SNTG1: variants seen among roughly 807,000 people sequenced by gnomAD.
The protein encoded by SNTG1 is gamma-1-syntrophin.
A neutral mutation model predicts 74.7 loss-of-function variants in SNTG1; 39 were observed. The observed-to-expected ratio is 0.52, with a 90% CI of 0.40 to 0.68. The LOEUF is 0.68. Among genes scored for constraint, SNTG1 ranks in the 30% least tolerant of loss-of-function variants. The probability of loss-of-function intolerance (pLI) is 0.00; values close to 1 mark genes in which losing one functional copy is unlikely to be tolerated. For missense variants in SNTG1, 685 were observed against 609.5 expected, an observed-to-expected ratio of 1.12 and a Z score of -1.30; for synonymous variants, 254 against 217.1, an observed-to-expected ratio of 1.17 and a Z score of -1.49.
At chr8:49,969,572 T>C (rs952891243) in intron 1 of SNTG1, among the ~76,000 whole-genome samples, 3 of 151,840 alleles carry the variant, frequency 2.0e-5, no homozygotes, top group African/African-American at 7.3e-5. Flanking sequence ...AATTTTGGTA[T>C]TTTTAGTAGA....
intron 1 of SNTG1, among the ~76,000 whole-genome samples, chr8:50,063,095 C>T (rs1476248310): frequency 6.6e-6 from 1 of 152,170 alleles, no homozygotes; most frequent in Non-Finnish European, 1.5e-5. Context: ...TGTCACATTG[C>T]CTTGCAAGAG....
intron 2 of SNTG1, among the ~76,000 whole-genome samples, chr8:50,325,255 A>C (rs965927574): frequency 8.6e-5 from 13 of 151,764 alleles, no homozygotes; most frequent in African/African-American, 2.9e-4. Context: ...AATATTCAAA[A>C]TATAACTCTC....
At chr8:50,754,487 T>C (rs1452062100) in intron 18 of SNTG1, among the ~76,000 whole-genome samples, 1 of 151,896 alleles carries the variant, frequency 6.6e-6, no homozygotes, top group Non-Finnish European at 1.5e-5. Flanking sequence ...CCATGTATGT[T>C]ATATCCTCTT....
intron 2 of SNTG1, among the ~76,000 whole-genome samples, chr8:50,249,002 G>A (rs1359321188): frequency 6.6e-6 from 1 of 152,126 alleles, no homozygotes; most frequent in Non-Finnish European, 1.5e-5. Context: ...GAGCATGGGA[G>A]CCCAGTATAA....
intron 1 of SNTG1, among the ~76,000 whole-genome samples, chr8:50,039,189 C>T (rs1205095235): frequency 2.0e-5 from 3 of 152,102 alleles, no homozygotes; most frequent in Admixed American, 1.3e-4. Context: ...GGCGTGGTGG[C>T]TCATGCCTGT....
At chr8:50,285,861 T>G (rs935361875) in intron 2 of SNTG1, among the ~76,000 whole-genome samples, 2 of 151,484 alleles carry the variant, frequency 1.3e-5, no homozygotes, top group Non-Finnish European at 2.9e-5. Context: ...ATGAACAATA[T>G]AATTATAGCA....
chr8:50,773,565 G>T (rs1250081958), intron 18 of SNTG1, among the ~76,000 whole-genome samples: 1 of 152,038 alleles, frequency 6.6e-6, no homozygotes, highest in Admixed American at 6.6e-5. Context: ...TAAATAGACA[G>T]AAATAGTCTG....
At chr8:49,954,749 A>T (rs73677823) in intron 1 of SNTG1, among the ~76,000 whole-genome samples, 1,654 of 151,898 alleles carry the variant, frequency 0.011, 31 homozygotes, top group African/African-American at 0.037. Context: ...AATGTTTCCT[A>T]TTTCTTTTTT....
intron 13 of SNTG1, among the ~76,000 whole-genome samples, chr8:50,631,629 AT>A (rs2094998258): frequency 6.6e-6 from 1 of 152,150 alleles, no homozygotes; most frequent in Non-Finnish European, 1.5e-5. Flanking sequence ...GAACTTTTAT[AT>A]TTTTAAATAA....
chr8:50,584,170 C>A (rs924495571), intron 12 of SNTG1, among the ~76,000 whole-genome samples: 1 of 152,118 alleles, frequency 6.6e-6, no homozygotes, highest in Non-Finnish European at 1.5e-5. Context: ...TCCAGTCTAT[C>A]ATTGATGGAC....
At chr8:50,432,997 C>A (rs916103891) in intron 4 of SNTG1, among the ~76,000 whole-genome samples, 1 of 152,050 alleles carries the variant, frequency 6.6e-6, no homozygotes, top group Non-Finnish European at 1.5e-5. Flanking sequence ...ACCATGTCGG[C>A]CAGGCTGGTC....
At chr8:50,705,114 C>T (rs896286880) in intron 16 of SNTG1, among the ~76,000 whole-genome samples, 12 of 152,158 alleles carry the variant, frequency 7.9e-5, no homozygotes, top group South Asian at 6.2e-4. Context: ...AGCCTGTTGG[C>T]GTCATTTACT....
At chr8:50,176,826 C>T (rs2083016256) in intron 2 of SNTG1, among the ~76,000 whole-genome samples, 1 of 152,126 alleles carries the variant, frequency 6.6e-6, no homozygotes, top group South Asian at 2.1e-4. Context: ...TAAAAATAGT[C>T]CCTTTTATTG....
chr8:50,743,500 T>C (rs2095548388), intron 17 of SNTG1, among the ~76,000 whole-genome samples: 1 of 151,750 alleles, frequency 6.6e-6, no homozygotes, highest in Admixed American at 6.6e-5. Context: ...AGAAAGATAT[T>C]TGAAATATGA....
In SNTG1 at chr8:50,704,727, C is replaced by A. The variant is rs1247518824; in HGVS notation, c.1166C>A (p.Thr389Asn). 1.2e-6 allele frequency: 2 copies of A among 1,613,990 alleles called. No individual in the cohort carries two copies. The highest frequency in any genetic ancestry group is 1.3e-5 in the African/African-American group (1 of 74,926). Residue 389 changes from threonine (T) to asparagine (N), a missense_variant, in exon 16 of 19, where the codon ACC becomes AAC. Transcript: ENST00000642720. Reference protein sequence around the residue: ...AQWERAFQTATFLEVERIQCK... With the variant: ...AQWERAFQTANFLEVERIQCK... ...TGGGAAAGAGCCTTCCAGACAGCAACCTTTCTAGAAGTAGAACGGATACAG... is the reference window on the plus strand; with the variant it reads ...TGGGAAAGAGCCTTCCAGACAGCAAACTTTCTAGAAGTAGAACGGATACAG...
intron 2 of SNTG1, among the ~76,000 whole-genome samples, chr8:50,261,537 T>C (rs531588749): frequency 1.6e-4 from 25 of 152,130 alleles, no homozygotes; most frequent in Non-Finnish European, 3.1e-4. Context: ...AACAGATTAC[T>C]ACTAATCTGT....
chr8:50,520,191 A>G (rs1369644975), intron 9 of SNTG1, among the ~76,000 whole-genome samples: 1 of 152,194 alleles, frequency 6.6e-6, no homozygotes, highest in Admixed American at 6.5e-5. Context: ...GCAATGGGGA[A>G]AGGATTCCCT....
At chr8:50,692,096 C>G (rs2095382879) in intron 15 of SNTG1, among the ~76,000 whole-genome samples, 1 of 152,192 alleles carries the variant, frequency 6.6e-6, no homozygotes. Flanking sequence ...GTTTTCAGCT[C>G]CATCAGGTTC....
At chr8:50,212,668 C>T (rs930762151) in intron 2 of SNTG1, among the ~76,000 whole-genome samples, 1 of 152,128 alleles carries the variant, frequency 6.6e-6, no homozygotes, top group African/African-American at 2.4e-5. Flanking sequence ...AGTTAATTCT[C>T]ATCTCTAGCA....
Sources: gnomAD v4.1 joint callset for allele counts (sites outside exome capture counted in the v4.1 genomes callset) on GRCh38, gnomAD v4.1.1 for gene constraint, MANE v1.5 for transcripts, NCBI Gene and HGNC (gene_info 2026-07-23, HGNC 2026-07-21) for gene names.